WWC1: variants seen among roughly 807,000 people sequenced by gnomAD.
WWC1 encodes the protein WW and C2 domain containing 1, also known as protein KIBRA.
WWC1 carries 55 observed loss-of-function variants against 138.4 expected under a neutral mutation model. The ratio of observed to expected loss-of-function variants is 0.40; its 90% confidence interval spans 0.32 to 0.50. The LOEUF (loss-of-function observed/expected upper bound fraction) is 0.50, where lower values mean the gene tolerates loss of function less well. WWC1 is among the 20% of genes least tolerant of loss of function. WWC1 has a pLI of 0.72. For missense variants in WWC1, 1,226 were observed against 1,420.4 expected, an observed-to-expected ratio of 0.86 and a Z score of 2.20; for synonymous variants, 524 against 564.9, an observed-to-expected ratio of 0.93 and a Z score of 1.03.
intron 1 of WWC1, among the ~76,000 whole-genome samples, chr5:168,350,265 C>G (rs1361962201): frequency 1.3e-5 from 2 of 152,174 alleles, no homozygotes; most frequent in African/African-American, 4.8e-5. Context: ...TTATTCATGG[C>G]TCAGATGGAA....
chr5:168,398,166 C>T (rs1161088154), intron 4 of WWC1, among the ~76,000 whole-genome samples: 2 of 152,102 alleles, frequency 1.3e-5, no homozygotes, highest in Non-Finnish European at 2.9e-5. Flanking sequence ...TGCAGTGGCA[C>T]GATCTGCGCT....
At chr5:168,440,753 A>G (rs977862940) in intron 15 of WWC1, among the ~76,000 whole-genome samples, 1 of 152,062 alleles carries the variant, frequency 6.6e-6, no homozygotes, top group African/African-American at 2.4e-5. Context: ...CCGACCTCAG[A>G]TGATCCACCC....
chr5:168,415,522 C>T (rs533131651), intron 9 of WWC1: 1 of 152,258 alleles, frequency 6.6e-6, no homozygotes, highest in Non-Finnish European at 1.5e-5. Context: ...CTGCGTTCAC[C>T]ATAGGCTTTA....
At chr5:168,453,891 C>A in intron 17 of WWC1, 77 bp from the exon 18 acceptor site, 1 of 1,590,854 alleles carries the variant, frequency 6.3e-7, no homozygotes, top group South Asian at 1.1e-5. Flanking sequence ...GGAAGCCCTA[C>A]CTTGGGTGTA....
chr5:168,465,548 C>CTTTTTTTTTT (rs10527141), intron 21 of WWC1, among the ~76,000 whole-genome samples: 2,545 of 46,948 alleles, frequency 0.054, 1,205 homozygotes, highest in Middle Eastern at 0.12. Flanking sequence ...ATCAGCTGGG[C>CTTTTTTTTTT]TTTTTTTTTT....
Position 168,422,024 on chromosome 5 carries a change from A to G in WWC1, c.1201A>G (p.Lys401Glu), listed in dbSNP as rs1449041123. 1.9e-6 allele frequency: 3 copies of G among 1,611,418 alleles called. No homozygotes were observed. Among genetic ancestry groups the G allele is most frequent in the Non-Finnish European group, 2.5e-6 (3 of 1,178,468 alleles). ...TCCTTCCAGGTTAAAGTTAAACAGT[A>G]AGAGGAACCAGCTTGTGAGAGAACT... ...ALTERLKLNS[K>E]RNQLVRELEE... The change falls in exon 10 of 23, where the codon AAG becomes GAG. Residue 401 changes from lysine (K) to glutamate (E), a missense_variant. Lys to Glu is a moderately conservative substitution (Grantham distance 56). Coordinates refer to ENST00000265293, the MANE Select transcript of WWC1 (RefSeq NM_015238.3).
intron 1 of WWC1, among the ~76,000 whole-genome samples, chr5:168,358,178 G>A (rs1775604963): frequency 6.6e-6 from 1 of 152,236 alleles, no homozygotes; most frequent in South Asian, 2.1e-4. Flanking sequence ...ACAGTGTCAT[G>A]TCTCCCTGGG....
Position 168,406,300 on chromosome 5 carries a change from G to A in WWC1, c.693G>A (p.Gly231=), listed in dbSNP as rs201689683. Reference sequence around the variant, plus strand: ...CCATCAAAAAGGCTATTACCTGTGGGGAAAAGGAAAAGCAAGATCTCATTA... The same window carrying A: ...CCATCAAAAAGGCTATTACCTGTGGAGAAAAGGAAAAGCAAGATCTCATTA... ...TKAIKKAITC[G]EKEKQDLIKS... is the part of the protein sequence containing the mutation. The change falls in exon 6 of 23, where the codon GGG becomes GGA. Residue 231 remains glycine (G), a synonymous_variant. Transcript: ENST00000265293. The A allele has an allele frequency of 2.1e-5, 34 of 1,613,884 alleles. No individual in the cohort carries two copies. The highest frequency in any genetic ancestry group is 2.8e-5 in the Non-Finnish European group (33 of 1,179,924).
intron 9 of WWC1, among the ~76,000 whole-genome samples, chr5:168,421,121 A>T (rs1406603549): frequency 1.3e-5 from 2 of 152,154 alleles, no homozygotes. Context: ...GCAGCCTTCC[A>T]TGTGGTCATT....
chr5:168,465,602 C>T (rs751114834), intron 21 of WWC1, among the ~76,000 whole-genome samples: 7 of 116,742 alleles, frequency 6.0e-5, no homozygotes, highest in South Asian at 6.0e-4. Context: ...CTCTGTCGCC[C>T]GGGCTGGAGT....
Position 168,455,356 on chromosome 5 carries a change from G to C in WWC1, c.2659G>C (p.Val887Leu). Residue 887 changes from valine to leucine, a missense_variant and splice_region_variant, in exon 19 of 23, where the codon GTG becomes CTG. Transcript: ENST00000265293. ...PDMDGYPALK[V>L]DKETNTETPA... ...CTTCAAGGTGTGACTTCTTCCTCAG[G>C]TGGACAAAGAGACCAACACGGAGAC... 1.3e-6 allele frequency: 2 copies of C among 1,568,032 alleles called. No homozygotes were observed. Among genetic ancestry groups the C allele is most frequent in the Non-Finnish European group, 8.6e-7 (1 of 1,161,066 alleles).
intron 4 of WWC1, 61 bp from the exon 5 acceptor site, chr5:168,399,409 TCCCTTTCCAGGGAGAAGG>T: frequency 6.6e-7 from 1 of 1,515,916 alleles, no homozygotes; most frequent in Non-Finnish European, 9.1e-7. Flanking sequence ...GGCTCTGGGT[TCCCTTTCCAGGGAGAAGG>T]CAGCCTGCAC....
In WWC1 at chr5:168,397,794, A is replaced by G. The variant is rs1779010302; in HGVS notation, c.504A>G (p.Lys168=). The G allele has an allele frequency of 8.1e-6, 13 of 1,613,990 alleles. No individual in the cohort carries two copies. Among genetic ancestry groups the G allele is most frequent in the Non-Finnish European group, 1.0e-5 (12 of 1,179,942 alleles). ...EILKAEIATA[K]SRVNKLKREM... is the part of the protein sequence containing the mutation. ...TGAAAGCTGAAATTGCCACTGCAAAATCCCGGGTAGGACCTCTTCACCTAT... is the reference window on the plus strand; with the variant it reads ...TGAAAGCTGAAATTGCCACTGCAAAGTCCCGGGTAGGACCTCTTCACCTAT... The change falls in exon 4 of 23, where the codon AAA becomes AAG. Residue 168 remains lysine (K), a synonymous_variant. Coordinates refer to ENST00000265293, the MANE Select transcript of WWC1 (RefSeq NM_015238.3).
chr5:168,375,053 C>A (rs773491970), intron 2 of WWC1, among the ~76,000 whole-genome samples: 1 of 152,168 alleles, frequency 6.6e-6, no homozygotes, highest in Non-Finnish European at 1.5e-5. Context: ...TCAAGACTTA[C>A]ATGTCTATTA....
chr5:168,339,925 TTC>T (rs1446245017), intron 1 of WWC1, among the ~76,000 whole-genome samples: 8 of 91,968 alleles, frequency 8.7e-5, no homozygotes, highest in African/African-American at 3.9e-4. Context: ...CTCTCTCTCT[TTC>T]TCTCTTTCTC....
chr5:168,350,646 G>T (rs1412620508), intron 1 of WWC1, among the ~76,000 whole-genome samples: 1 of 152,200 alleles, frequency 6.6e-6, no homozygotes, highest in Non-Finnish European at 1.5e-5. Flanking sequence ...AGGACAGGAG[G>T]AAAAGGACGT....
intron 8 of WWC1, among the ~76,000 whole-genome samples, chr5:168,413,872 C>G (rs1287088571): frequency 6.6e-6 from 1 of 152,166 alleles, no homozygotes; most frequent in Non-Finnish European, 1.5e-5. Context: ...ATGTTACATA[C>G]CTAATAAGCA....
chr5:168,325,709 A>G (rs1201099098), intron 1 of WWC1, among the ~76,000 whole-genome samples: 1 of 152,162 alleles, frequency 6.6e-6, no homozygotes, highest in Admixed American at 6.5e-5. Flanking sequence ...TCAACGGTAG[A>G]GTTTAGTGCA....
At chr5:168,338,429 G>GC (rs1253505573) in intron 1 of WWC1, among the ~76,000 whole-genome samples, 1 of 150,504 alleles carries the variant, frequency 6.6e-6, no homozygotes, top group African/African-American at 2.4e-5. Context: ...TTTTTGGGGG[G>GC]GGATTGAGTC....
Sources: gnomAD v4.1 joint callset for allele counts (sites outside exome capture counted in the v4.1 genomes callset) on GRCh38, gnomAD v4.1.1 for gene constraint, MANE v1.5 for transcripts, NCBI Gene and HGNC (gene_info 2026-07-23, HGNC 2026-07-21) for gene names.